CCDC47: variants seen among roughly 807,000 people sequenced by gnomAD.
CCDC47 encodes the protein PAT complex subunit CCDC47.
Under a neutral mutation model 60.5 loss-of-function variants are expected in CCDC47, and 41 were observed. The ratio of observed to expected loss-of-function variants is 0.68; its 90% CI spans 0.53 to 0.88. The LOEUF (loss-of-function observed/expected upper bound fraction) is 0.88. Among genes scored for constraint, CCDC47 ranks in the 40% least tolerant of loss-of-function variants. The pLI is 0.00. For missense variants in CCDC47, 513 were observed against 580.9 expected (o/e 0.88, Z 1.20); for synonymous variants, 195 against 190.7 (o/e 1.02, Z -0.18).
chr17:63,761,732 C>T (rs1307770489), intron 4 of CCDC47: 14 of 643,202 alleles, frequency 2.2e-5, no homozygotes, highest in South Asian at 7.0e-5. Context: ...GAATACCTCA[C>T]GTTCCTCTAC....
chr17:63,761,796 G>A (rs2039263618), intron 4 of CCDC47: 1 of 979,162 alleles, frequency 1.0e-6, no homozygotes, highest in Admixed American at 6.2e-5. Flanking sequence ...CTGTCTTATA[G>A]AACTGTTTGG....
chr17:63,761,120 C>G (rs987864734), intron 5 of CCDC47, 110 bp downstream of exon 5: 4 of 1,462,210 alleles, frequency 2.7e-6, no homozygotes, highest in Non-Finnish European at 3.8e-6. Context: ...ACTTTTAGAC[C>G]TCATTTTAAG....
chr17:63,769,039 G>A (rs1362688657), intron 1 of CCDC47, among the ~76,000 whole-genome samples: 1 of 149,722 alleles, frequency 6.7e-6, no homozygotes. Flanking sequence ...AGCTGAGATT[G>A]TACCACTGCA....
At chr17:63,755,260 C>T (rs573758213) in intron 8 of CCDC47, 14 of 981,758 alleles carry the variant, frequency 1.4e-5, no homozygotes, top group South Asian at 1.4e-4. Context: ...AACCACAGCG[C>T]GCGGACAAGG....
In CCDC47 at chr17:63,754,421, T is replaced by C. The variant is rs2039189787; in HGVS notation, c.1034+12A>G. The C allele has an allele frequency of 1.3e-6, 2 of 1,515,120 alleles. No homozygotes were observed. The highest frequency in any genetic ancestry group is 1.4e-5 in the African/African-American group (1 of 72,694). 93.9% of individuals were successfully genotyped at this position (1,515,120 alleles called of 1,614,324 possible). On this transcript the variant is annotated intron_variant, in intron 9 of 12. Coordinates refer to ENST00000225726, the MANE Select transcript of CCDC47 (RefSeq NM_020198.3). ...AGGAAAATTAATTTCAACAATTTTA[T>C]CTTATACGTACTCTTGCATAATTTT...
chr17:63,752,679 A>AT, intron 10 of CCDC47, 62 bp downstream of exon 10: 1 of 1,510,824 alleles, frequency 6.6e-7, no homozygotes, highest in Non-Finnish European at 8.9e-7. Context: ...GGAGGAAACA[A>AT]TACTCTCCTT....
At chr17:63,765,794 G>C in intron 2 of CCDC47, 118 bp downstream of exon 2, 1 of 1,356,284 alleles carries the variant, frequency 7.4e-7, no homozygotes, top group Non-Finnish European at 1.0e-6. Flanking sequence ...GCTCTACCTA[G>C]TGAATGAAAA....
chr17:63,752,717 C>T (rs2039176521), intron 10 of CCDC47, 24 bp downstream of exon 10: 6 of 1,602,198 alleles, frequency 3.7e-6, no homozygotes, highest in Non-Finnish European at 5.1e-6. Flanking sequence ...GACTAAGAAC[C>T]CAGAAAGGAC....
chr17:63,755,558 G>A (rs1451346245), intron 8 of CCDC47, among the ~76,000 whole-genome samples: 7 of 151,214 alleles, frequency 4.6e-5, no homozygotes, highest in South Asian at 2.1e-4. Flanking sequence ...AATAATGGTC[G>A]AAACAAGAAT....
intron 9 of CCDC47, among the ~76,000 whole-genome samples, chr17:63,754,028 C>T (rs1421448257): frequency 1.3e-5 from 2 of 152,168 alleles, no homozygotes; most frequent in Non-Finnish European, 2.9e-5. Flanking sequence ...ATTGCTTGAA[C>T]CCGGGAGGCG....
chr17:63,761,171 A>C, intron 5 of CCDC47, 59 bp downstream of exon 5: 2 of 1,603,116 alleles, frequency 1.2e-6, no homozygotes, highest in Non-Finnish European at 1.7e-6. Context: ...GGGGGCTGGG[A>C]ATCACAACTG....
chr17:63,772,130 A>G (rs972138526), intron 1 of CCDC47, among the ~76,000 whole-genome samples: 1 of 152,086 alleles, frequency 6.6e-6, no homozygotes, highest in Non-Finnish European at 1.5e-5. Context: ...ACCATTTACC[A>G]GCAATATGAC....
chr17:63,765,120 CCACACACACACA>C lies in CCDC47; in HGVS notation c.265-285_265-274del, dbSNP rs56697502. The stretch of plus-strand genomic sequence containing the variant: ...AGAGAATATATTGTAAGTATTCTCA[CCACACACACACA>C]CACACACACACACACACACACACGG... On this transcript the variant is annotated intron_variant, in intron 2 of 12. Coordinates refer to ENST00000225726, the MANE Select transcript of CCDC47 (RefSeq NM_020198.3). 1.4e-4 allele frequency: 21 copies of C among 150,216 alleles called. No homozygotes were observed. The South Asian group carries it at 2.6e-3, about 19-fold the overall frequency. 9.3% of individuals were successfully genotyped at this position (150,216 alleles called of 1,614,324 possible). A position where few individuals can be genotyped will look rare whatever the true frequency, so the allele number is the denominator to read the frequency against.
chr17:63,763,952 G>C, intron 4 of CCDC47, 64 bp downstream of exon 4: 1 of 1,346,600 alleles, frequency 7.4e-7, no homozygotes, highest in Middle Eastern at 1.9e-4. Flanking sequence ...ATACTGAGGG[G>C]AATACATCAT....
chr17:63,772,869 G>A (rs1442027280), intron 1 of CCDC47: 1 of 152,276 alleles, frequency 6.6e-6, no homozygotes, highest in African/African-American at 2.4e-5. Context: ...GACTCCTGAA[G>A]CAAGCAACAC....
rs746851710 is a variant in CCDC47, at chr17:63,765,893, T to C, written c.264+19A>G. 20 of 1,586,978 alleles carry C rather than the reference T, an allele frequency of 1.3e-5. No individual in the cohort carries two copies. Among genetic ancestry groups the C allele is most frequent in the Admixed American group, 1.9e-5 (1 of 53,478 alleles). On this transcript the variant is annotated intron_variant, in intron 2 of 12. Coordinates refer to ENST00000225726, the MANE Select transcript of CCDC47 (RefSeq NM_020198.3). The stretch of plus-strand genomic sequence containing the variant: ...GCTAGTTACAAATTTTTCCAATAAA[T>C]TAATAAAAAGAGCCTCACCTGGGTA...
At position 63,759,511 on chromosome 17, in the gene CCDC47, ATATATATATATATATT is replaced by A. The variant is rs1568249070; in HGVS notation, c.735+1387_735+1402del. Among the ~76,000 whole-genome samples, 24 of 23,440 alleles carry A rather than the reference ATATATATATATATATT, an allele frequency of 1.0e-3. 1 individual carries two copies. Among genetic ancestry groups the A allele is most frequent in the African/African-American group, 5.1e-3 (18 of 3,524 alleles). The allele number at this position is 23,440 out of a possible 152,430, so 15.4% of individuals were successfully genotyped here. Reference sequence around the variant, plus strand: ...CTCCCAAAAAAAAAAAAAAAAAAATATATATATATATATATTTATATATATATATATATATATATAT... The same window carrying A: ...CTCCCAAAAAAAAAAAAAAAAAAATATATATATATATATATATATATATAT... On this transcript the variant is annotated intron_variant, in intron 6 of 12. Transcript: ENST00000225726.
intron 6 of CCDC47, among the ~76,000 whole-genome samples, chr17:63,759,578 A>AT (rs1568249244): frequency 1.8e-4 from 19 of 104,922 alleles, no homozygotes; most frequent in South Asian, 3.4e-4. Flanking sequence ...TATATATATA[A>AT]AACAATGATT....
chr17:63,771,000 G>A (rs75457471), intron 1 of CCDC47, among the ~76,000 whole-genome samples: 15,351 of 48,372 alleles, frequency 0.32, 2,903 homozygotes, highest in African/African-American at 0.58. Context: ...AAAAAAAAAA[G>A]AAAGAAAGAA....
Sources: gnomAD v4.1 joint callset for allele counts (sites outside exome capture counted in the v4.1 genomes callset) on GRCh38, gnomAD v4.1.1 for gene constraint, MANE v1.5 for transcripts, NCBI Gene and HGNC (gene_info 2026-07-23, HGNC 2026-07-21) for gene names.